The following TAF4B variants were observed in gnomAD, a reference collection of about 807,000 sequenced individuals.
The protein encoded by TAF4B is transcription initiation factor TFIID subunit 4B.
TAF4B carries 38 observed loss-of-function variants against 86.4 expected under a neutral mutation model. The ratio of observed to expected loss-of-function variants is 0.44; its 90% CI spans 0.34 to 0.58. The LOEUF is 0.58. TAF4B is among the 20% of genes least tolerant of loss of function. The probability of loss-of-function intolerance (pLI) is 0.02; values close to 1 mark genes in which losing one functional copy is unlikely to be tolerated. For missense variants in TAF4B, 988 were observed against 1,027.6 expected (o/e 0.96, Z 0.53); for synonymous variants, 388 against 391.2 (o/e 0.99, Z 0.10).
chr18:26,259,162 AT>A (rs1293191773), intron 1 of TAF4B, among the ~76,000 whole-genome samples: 1 of 124,752 alleles, frequency 8.0e-6, no homozygotes, highest in Non-Finnish European at 1.7e-5. Flanking sequence ...TTCAGCTGTT[AT>A]TTCTTTGATT....
In TAF4B at chr18:26,346,797, A is replaced by ATGTGTGTGTGTG. The variant is rs1186267913; in HGVS notation, c.2317-10888_2317-10887insGTGTGTGTGTGT. On this transcript the variant is annotated intron_variant, in intron 13 of 14. Coordinates refer to ENST00000269142, the MANE Select transcript of TAF4B (RefSeq NM_005640.3). The stretch of plus-strand genomic sequence containing the variant: ...TATGTGTGTGTATATATATATATAT[A>ATGTGTGTGTGTG]TGTGTATATATATATATATGTGTGT... 8.1e-3 allele frequency among the ~76,000 whole-genome samples: 172 copies of ATGTGTGTGTGTG among 21,364 alleles called. 34 individuals carry two copies. The highest frequency in any genetic ancestry group is 0.016 in the Non-Finnish European group (132 of 8,288). The allele number at this position is 21,364 out of a possible 152,430, so 14.0% of individuals were successfully genotyped here. A position where few individuals can be genotyped will look rare whatever the true frequency, so the allele number is the denominator to read the frequency against.
intron 14 of TAF4B, among the ~76,000 whole-genome samples, chr18:26,364,433 C>G (rs2057355199): frequency 7.2e-6 from 1 of 139,542 alleles, no homozygotes; most frequent in African/African-American, 2.5e-5. Flanking sequence ...TAAAATAAAA[C>G]CTACTTTAAG....
intron 9 of TAF4B, among the ~76,000 whole-genome samples, chr18:26,312,726 G>A (rs774045282): frequency 1.1e-4 from 16 of 152,074 alleles, no homozygotes; most frequent in East Asian, 1.9e-4. Flanking sequence ...TGTACCTGGC[G>A]CACATCTTAG....
intron 13 of TAF4B, among the ~76,000 whole-genome samples, chr18:26,347,199 C>T (rs376131920): frequency 4.6e-5 from 7 of 151,688 alleles, no homozygotes; most frequent in African/African-American, 9.7e-5. Flanking sequence ...GGATTACAGG[C>T]GTGAGCCACT....
intron 1 of TAF4B, among the ~76,000 whole-genome samples, chr18:26,246,988 C>T (rs1263948048): frequency 1.3e-5 from 2 of 152,170 alleles, no homozygotes; most frequent in African/African-American, 2.4e-5. Flanking sequence ...GCCTCAGCCT[C>T]CCGAGTAGCT....
chr18:26,267,843 G>T (rs1031512674), intron 3 of TAF4B, among the ~76,000 whole-genome samples: 2 of 152,168 alleles, frequency 1.3e-5, no homozygotes, highest in South Asian at 4.1e-4. Flanking sequence ...AGTGTATTAA[G>T]TTAATACAAA....
At chr18:26,362,251 T>G (rs900123343) in intron 14 of TAF4B, among the ~76,000 whole-genome samples, 3 of 152,224 alleles carry the variant, frequency 2.0e-5, no homozygotes, top group African/African-American at 4.8e-5. Context: ...ATTGCCTGTC[T>G]TATGTTTTAA....
chr18:26,302,205 T>C (rs1420294532), intron 9 of TAF4B, among the ~76,000 whole-genome samples: 2 of 152,000 alleles, frequency 1.3e-5, no homozygotes. Context: ...GCAATTTACT[T>C]TCTTTTATGG....
intron 1 of TAF4B, among the ~76,000 whole-genome samples, chr18:26,262,189 A>C (rs2056177956): frequency 1.4e-5 from 2 of 143,118 alleles, no homozygotes; most frequent in African/African-American, 5.0e-5. Context: ...ATCCTCTTCA[A>C]TATGTAGCTG....
chr18:26,271,236 G>A (rs1203039754), intron 3 of TAF4B, among the ~76,000 whole-genome samples: 1 of 152,194 alleles, frequency 6.6e-6, no homozygotes, highest in African/African-American at 2.4e-5. Context: ...ATTAGGCTTA[G>A]TCTGATAAAT....
rs759153078 is a variant in TAF4B, at chr18:26,274,842, C to T, written c.759+18C>T. 1 of 1,614,080 alleles carries T rather than the reference C, an allele frequency of 6.2e-7. No individual in the cohort carries two copies. Among genetic ancestry groups the T allele is most frequent in the Non-Finnish European group, 8.5e-7 (1 of 1,179,956 alleles). On this transcript the variant is annotated intron_variant, in intron 4 of 14. Coordinates refer to ENST00000269142, the MANE Select transcript of TAF4B (RefSeq NM_005640.3). ...TTTCTCCGGTAAGCTCTTACTTGCA[C>T]CTTACATAAATCTTGTTCCTTGCAA... is the stretch of plus-strand genomic sequence containing the variant.
intron 10 of TAF4B, among the ~76,000 whole-genome samples, chr18:26,316,193 AGT>A (rs1248412430): frequency 6.6e-6 from 1 of 152,156 alleles, no homozygotes; most frequent in Non-Finnish European, 1.5e-5. Context: ...AATATACTTA[AGT>A]AAGACCTTTA....
intron 14 of TAF4B, among the ~76,000 whole-genome samples, chr18:26,375,607 G>T (rs1227469785): frequency 6.6e-6 from 1 of 152,138 alleles, no homozygotes; most frequent in Non-Finnish European, 1.5e-5. Flanking sequence ...TGTAATGTGT[G>T]TAGAAGTAGT....
At chr18:26,370,603 A>G (rs1598835946) in intron 14 of TAF4B, among the ~76,000 whole-genome samples, 1 of 152,272 alleles carries the variant, frequency 6.6e-6, no homozygotes, top group Middle Eastern at 3.4e-3. Flanking sequence ...TATACCTATA[A>G]TCAGCCTCAG....
intron 14 of TAF4B, among the ~76,000 whole-genome samples, chr18:26,371,135 TA>T (rs539934793): frequency 2.9e-3 from 430 of 150,344 alleles, no homozygotes; most frequent in Non-Finnish European, 3.6e-3. Context: ...AACAGAATGT[TA>T]AAAAAAAAAT....
intron 11 of TAF4B, among the ~76,000 whole-genome samples, chr18:26,323,308 G>A (rs1274937613): frequency 1.3e-5 from 2 of 152,056 alleles, no homozygotes; most frequent in East Asian, 1.9e-4. Context: ...TATTGAAAGT[G>A]CAGTATTAAA....
At chr18:26,385,113 C>T (rs1452500838) in intron 14 of TAF4B, among the ~76,000 whole-genome samples, 2 of 152,124 alleles carry the variant, frequency 1.3e-5, no homozygotes, top group Admixed American at 6.5e-5. Context: ...ATAAAGATGT[C>T]CTTTCTGCTT....
intron 9 of TAF4B, among the ~76,000 whole-genome samples, chr18:26,308,733 G>A (rs1424413318): frequency 6.6e-6 from 1 of 151,820 alleles, no homozygotes; most frequent in Non-Finnish European, 1.5e-5. Flanking sequence ...TTAGCTGGGT[G>A]TGGTGGTGCA....
At chr18:26,266,989 T>A (rs1214477422) in intron 2 of TAF4B, 1 of 152,230 alleles carries the variant, frequency 6.6e-6, no homozygotes, top group Non-Finnish European at 1.5e-5. Context: ...AATGACAGAT[T>A]GCATTGTTTT....
Sources: gnomAD v4.1 joint callset for allele counts (sites outside exome capture counted in the v4.1 genomes callset) on GRCh38, gnomAD v4.1.1 for gene constraint, MANE v1.5 for transcripts, NCBI Gene and HGNC (gene_info 2026-07-23, HGNC 2026-07-21) for gene names.